The following CREM variants were observed in gnomAD, a reference collection of about 807,000 sequenced individuals.
CREM encodes the protein cAMP responsive element modulator, also known as cAMP-responsive element modulator.
In CREM, 13 loss-of-function variants were observed where a neutral mutation model predicts 37.3. The ratio of observed to expected loss-of-function variants is 0.35; its 90% CI spans 0.23 to 0.55. The LOEUF is 0.55. CREM is among the 20% of genes least tolerant of loss of function. CREM has a pLI of 0.88. For missense variants in CREM, 296 were observed against 362.3 expected (o/e 0.82, Z 1.49); for synonymous variants, 124 against 120.2 (o/e 1.03, Z -0.21).
chr10:35,189,296 A>G (rs1300170938), intron 6 of CREM, among the ~76,000 whole-genome samples: 1 of 151,748 alleles, frequency 6.6e-6, no homozygotes, highest in Non-Finnish European at 1.5e-5. Context: ...ATGTAGCCCT[A>G]AGCTTTTAGG....
In CREM at chr10:35,148,059, A is replaced by G. The variant is rs2092303552; in HGVS notation, c.45-309A>G. Among the ~76,000 whole-genome samples, 3 of 152,240 alleles carry G rather than the reference A, an allele frequency of 2.0e-5. No homozygotes were observed. In the South Asian group the frequency reaches 6.2e-4, roughly 31 times the overall value. Reference sequence around the variant, plus strand: ...TTTGGATTTTAGAATATTCGCATATACATATGAGTTACCTTGGGGATGAGA... The same window carrying G: ...TTTGGATTTTAGAATATTCGCATATGCATATGAGTTACCTTGGGGATGAGA... On this transcript the variant is annotated intron_variant, in intron 2 of 7. Transcript: ENST00000685392.
At position 35,126,987 on chromosome 10, in the gene CREM, T is replaced by C. The variant is rs2135180481; in HGVS notation, c.-261T>C. 6.6e-6 allele frequency: 1 copy of C among 151,968 alleles called. No homozygotes were observed. The highest frequency in any genetic ancestry group is 2.1e-4 in the South Asian group (1 of 4,800). The allele number at this position is 151,968 out of a possible 1,614,324, so 9.4% of individuals were successfully genotyped here. ...GACGGGGCGGGAGGACGCGGTTCGG[T>C]CGGCTGCAGCGCTACTTTTGGTCCG... On this transcript the variant is annotated 5_prime_UTR_variant, in exon 1 of 8. Coordinates refer to ENST00000685392, the MANE Select transcript of CREM (RefSeq NM_183011.2).
chr10:35,153,399 A>G (rs1352199125), intron 3 of CREM, among the ~76,000 whole-genome samples: 1 of 152,152 alleles, frequency 6.6e-6, no homozygotes, highest in Admixed American at 6.5e-5. Flanking sequence ...ACAACTCTTA[A>G]AACATTATGG....
intron 6 of CREM, among the ~76,000 whole-genome samples, chr10:35,195,443 C>A (rs1476821064): frequency 6.6e-6 from 1 of 151,690 alleles, no homozygotes; most frequent in African/African-American, 2.4e-5. Context: ...GGCACTAATC[C>A]TCTCTTCCTC....
chr10:35,209,350 C>T (rs1316817242), intron 7 of CREM: 2 of 985,276 alleles, frequency 2.0e-6, no homozygotes, highest in African/African-American at 1.7e-5. Context: ...ACTTCCTCTC[C>T]GTGCTGAGGA....
At chr10:35,151,763 T>C (rs1054687486) in intron 3 of CREM, among the ~76,000 whole-genome samples, 5 of 152,234 alleles carry the variant, frequency 3.3e-5, no homozygotes, top group Non-Finnish European at 1.5e-5. Context: ...GTATGCCGAC[T>C]TATGGATTAT....
At chr10:35,174,948 T>G (rs1360495704) in intron 3 of CREM, among the ~76,000 whole-genome samples, 5 of 152,152 alleles carry the variant, frequency 3.3e-5, no homozygotes, top group African/African-American at 7.2e-5. Context: ...AGGAAAAGTG[T>G]CCAGAGGCCT....
At chr10:35,128,395 G>T (rs2135267791) in intron 1 of CREM, among the ~76,000 whole-genome samples, 1 of 152,204 alleles carries the variant, frequency 6.6e-6, no homozygotes, top group African/African-American at 2.4e-5. Flanking sequence ...CCTTTCCCTT[G>T]AAACAAAGAT....
chr10:35,157,749 T>C (rs556861004), intron 3 of CREM, among the ~76,000 whole-genome samples: 1 of 151,964 alleles, frequency 6.6e-6, no homozygotes, highest in East Asian at 1.9e-4. Flanking sequence ...GGCAACTGAA[T>C]TGGAAAGGAA....
intron 5 of CREM, among the ~76,000 whole-genome samples, chr10:35,184,973 T>C (rs1410898520): frequency 3.9e-5 from 6 of 152,184 alleles, no homozygotes; most frequent in Non-Finnish European, 8.8e-5. Context: ...CATTTAACTC[T>C]CCTAGATTCA....
intron 3 of CREM, among the ~76,000 whole-genome samples, chr10:35,160,267 CAA>C (rs1294726786): frequency 1.3e-5 from 2 of 152,104 alleles, no homozygotes; most frequent in Admixed American, 1.3e-4. Flanking sequence ...AATACGGTAT[CAA>C]AGATAAAAAT....
At chr10:35,164,882 T>C (rs2136538692) in intron 3 of CREM, among the ~76,000 whole-genome samples, 1 of 151,826 alleles carries the variant, frequency 6.6e-6, no homozygotes, top group Admixed American at 6.6e-5. Flanking sequence ...AAACCCTGTC[T>C]CTACAAAAAA....
intron 3 of CREM, among the ~76,000 whole-genome samples, chr10:35,160,121 A>G (rs1488424585): frequency 7.9e-5 from 12 of 152,172 alleles, no homozygotes; most frequent in Non-Finnish European, 1.3e-4. Flanking sequence ...AGCCCACTAC[A>G]TACCTAAGCT....
At chr10:35,205,665 A>G (rs1252620870) in intron 6 of CREM, among the ~76,000 whole-genome samples, 2 of 152,234 alleles carry the variant, frequency 1.3e-5, no homozygotes, top group Non-Finnish European at 2.9e-5. Flanking sequence ...AGAGCCTATT[A>G]TTAAATTTTC....
intron 5 of CREM, among the ~76,000 whole-genome samples, chr10:35,184,953 A>C (rs2094490783): frequency 6.6e-6 from 1 of 152,140 alleles, no homozygotes; most frequent in African/African-American, 2.4e-5. Context: ...TGGAATTTGA[A>C]ACCATACCTC....
chr10:35,142,329 A>T (rs2091545682), intron 2 of CREM, among the ~76,000 whole-genome samples: 1 of 152,154 alleles, frequency 6.6e-6, no homozygotes, highest in African/African-American at 2.4e-5. Context: ...CAAACAACAG[A>T]TACAGGTATT....
At chr10:35,132,566 A>C (rs1248588708) in intron 1 of CREM, among the ~76,000 whole-genome samples, 1 of 152,226 alleles carries the variant, frequency 6.6e-6, no homozygotes, top group African/African-American at 2.4e-5. Flanking sequence ...GACATTTACA[A>C]GTGTTTGGAA....
intron 1 of CREM, among the ~76,000 whole-genome samples, chr10:35,127,987 A>G (rs933123620): frequency 2.6e-5 from 4 of 152,058 alleles, no homozygotes; most frequent in Non-Finnish European, 5.9e-5. Context: ...CTGGGATTAC[A>G]GGCATGCGCC....
At chr10:35,150,439 A>G (rs1182410022) in intron 3 of CREM, among the ~76,000 whole-genome samples, 1 of 152,144 alleles carries the variant, frequency 6.6e-6, no homozygotes, top group Non-Finnish European at 1.5e-5. Context: ...AGTCCCAGCA[A>G]TAGATTTCCA....
Sources: gnomAD v4.1 joint callset for allele counts (sites outside exome capture counted in the v4.1 genomes callset) on GRCh38, gnomAD v4.1.1 for gene constraint, MANE v1.5 for transcripts, NCBI Gene and HGNC (gene_info 2026-07-23, HGNC 2026-07-21) for gene names.